The following CNTN4 variants were observed in gnomAD, a reference collection of about 807,000 sequenced individuals.
CNTN4 encodes the protein contactin 4.
A neutral mutation model predicts 122.5 loss-of-function variants in CNTN4; 77 were observed. The ratio of observed to expected loss-of-function variants is 0.63; its 90% CI spans 0.52 to 0.76. The LOEUF (loss-of-function observed/expected upper bound fraction) is 0.76. Ranked by LOEUF, CNTN4 falls within the 30% of genes least tolerant of loss-of-function variation. The probability of loss-of-function intolerance (pLI) is 0.00; values close to 1 mark genes in which losing one functional copy is unlikely to be tolerated. For missense variants in CNTN4, 1,256 were observed against 1,259.1 expected, an observed-to-expected ratio of 1.00 and a Z score of 0.04; for synonymous variants, 512 against 447.0, an observed-to-expected ratio of 1.15 and a Z score of -1.83.
At chr3:2,982,736 C>G (rs1314528946) in intron 13 of CNTN4, among the ~76,000 whole-genome samples, 1 of 152,150 alleles carries the variant, frequency 6.6e-6, no homozygotes, top group African/African-American at 2.4e-5. Flanking sequence ...ATCTTTATAC[C>G]TAGATAGTTT....
At chr3:3,046,570 G>T (rs1023320382) in intron 23 of CNTN4, among the ~76,000 whole-genome samples, 5 of 152,024 alleles carry the variant, frequency 3.3e-5, no homozygotes, top group African/African-American at 4.8e-5. Context: ...TTACAGACAA[G>T]CAAATGCTGA....
intron 5 of CNTN4, among the ~76,000 whole-genome samples, chr3:2,740,832 G>C (rs1307203186): frequency 6.6e-6 from 1 of 152,196 alleles, no homozygotes; most frequent in Non-Finnish European, 1.5e-5. Flanking sequence ...AAGGACGGCA[G>C]TATTAGTATA....
intron 2 of CNTN4, among the ~76,000 whole-genome samples, chr3:2,212,936 A>G (rs1228528714): frequency 1.3e-5 from 2 of 152,186 alleles, no homozygotes; most frequent in African/African-American, 4.8e-5. Context: ...GGAGATTTTT[A>G]TGAATCTTTG....
intron 6 of CNTN4, among the ~76,000 whole-genome samples, chr3:2,751,376 T>C (rs1190742168): frequency 6.6e-6 from 1 of 152,048 alleles, no homozygotes; most frequent in Non-Finnish European, 1.5e-5. Context: ...AAACAAGCCC[T>C]CAAAGTTCGC....
At chr3:2,447,916 A>G (rs529211655) in intron 3 of CNTN4, among the ~76,000 whole-genome samples, 151 of 152,288 alleles carry the variant, frequency 9.9e-4, no homozygotes, top group African/African-American at 1.9e-3. Context: ...TAGGTTTGGC[A>G]TTGGTAAGTG....
chr3:3,001,753 G>T (rs117011277), intron 14 of CNTN4, among the ~76,000 whole-genome samples: 2 of 152,214 alleles, frequency 1.3e-5, no homozygotes, highest in South Asian at 2.1e-4. Context: ...AAATTATTAA[G>T]TAGATGCAAA....
At chr3:2,871,874 G>T (rs1202858334) in intron 8 of CNTN4, among the ~76,000 whole-genome samples, 1 of 152,150 alleles carries the variant, frequency 6.6e-6, no homozygotes, top group African/African-American at 2.4e-5. Context: ...TGAGTTGGTA[G>T]ATATATGTGA....
chr3:2,124,433 AACACACAC>A (rs60760373), intron 2 of CNTN4, among the ~76,000 whole-genome samples: 61 of 123,888 alleles, frequency 4.9e-4, no homozygotes, highest in East Asian at 9.1e-4. Flanking sequence ...ATTTATTTAA[AACACACAC>A]ACACACACAC....
intron 10 of CNTN4, among the ~76,000 whole-genome samples, chr3:2,889,813 C>G (rs115716328): frequency 6.6e-6 from 1 of 152,094 alleles, no homozygotes; most frequent in Non-Finnish European, 1.5e-5. Flanking sequence ...AACCAGGGGT[C>G]GGCATACTGC....
intron 13 of CNTN4, among the ~76,000 whole-genome samples, chr3:2,943,632 T>A (rs6796366): frequency 1.2e-3 from 118 of 96,178 alleles, no homozygotes; most frequent in African/African-American, 3.4e-3. Flanking sequence ...ATATATATAT[T>A]TTTTTTTTTT....
Position 2,591,531 on chromosome 3 carries a change from AT to A in CNTN4, c.55+19979del, listed in dbSNP as rs547884283. 2.0e-3 allele frequency among the ~76,000 whole-genome samples: 174 copies of A among 84,922 alleles called. 10 individuals carry two copies. The highest frequency in any genetic ancestry group is 8.0e-3 in the African/African-American group (165 of 20,588). The allele number at this position is 84,922 out of a possible 152,430, so 55.7% of individuals were successfully genotyped here. A position where few individuals can be genotyped will look rare whatever the true frequency, so the allele number is the denominator to read the frequency against. On this transcript the variant is annotated intron_variant, in intron 4 of 24. Transcript: ENST00000418658. ...AGGCGCCCGCCACTACGCCCGGCTAATTTTTTGTATTTTTAGTAGAGACGGG... is the reference window on the plus strand; with the variant it reads ...AGGCGCCCGCCACTACGCCCGGCTAATTTTTGTATTTTTAGTAGAGACGGG...
chr3:2,370,327 T>C (rs1046077647), intron 3 of CNTN4, among the ~76,000 whole-genome samples: 1 of 152,172 alleles, frequency 6.6e-6, no homozygotes, highest in African/African-American at 2.4e-5. Context: ...TGATATTATG[T>C]TGAAGAGAAA....
intron 2 of CNTN4, among the ~76,000 whole-genome samples, chr3:2,213,812 CT>C (rs1406815569): frequency 2.6e-5 from 4 of 152,090 alleles, no homozygotes; most frequent in Non-Finnish European, 5.9e-5. Flanking sequence ...CAAAATGAAT[CT>C]GTTGTGGATG....
chr3:2,495,441 T>G (rs2076427768), intron 3 of CNTN4, among the ~76,000 whole-genome samples: 1 of 152,194 alleles, frequency 6.6e-6, no homozygotes, highest in Admixed American at 6.5e-5. Context: ...AATTCCTGAA[T>G]CCATTGGCTT....
chr3:2,624,796 T>A (rs765270053), intron 4 of CNTN4, among the ~76,000 whole-genome samples: 1 of 151,814 alleles, frequency 6.6e-6, no homozygotes, highest in Non-Finnish European at 1.5e-5. Flanking sequence ...CACTCCCAGC[T>A]AATTTTTGTA....
intron 2 of CNTN4, among the ~76,000 whole-genome samples, chr3:2,232,369 A>G (rs539352451): frequency 2.6e-4 from 40 of 152,280 alleles, no homozygotes; most frequent in African/African-American, 9.4e-4. Flanking sequence ...TTTCCACTAT[A>G]CTGTGTTGTA....
intron 3 of CNTN4, among the ~76,000 whole-genome samples, chr3:2,428,404 A>T (rs570253099): frequency 1.3e-5 from 2 of 151,844 alleles, no homozygotes; most frequent in Non-Finnish European, 2.9e-5. Context: ...TTGGCCCCCA[A>T]CTCTCTTCTG....
chr3:2,499,943 A>G (rs141305617), intron 3 of CNTN4, among the ~76,000 whole-genome samples: 2 of 152,188 alleles, frequency 1.3e-5, no homozygotes, highest in East Asian at 3.9e-4. Context: ...TGCAGATCCC[A>G]TGCAAGTTTT....
intron 2 of CNTN4, among the ~76,000 whole-genome samples, chr3:2,255,540 T>C (rs907586101): frequency 4.6e-5 from 7 of 152,090 alleles, no homozygotes; most frequent in Non-Finnish European, 7.4e-5. Context: ...TAATTGGAAG[T>C]AAAACTCTAC....
Sources: gnomAD v4.1 joint callset for allele counts (sites outside exome capture counted in the v4.1 genomes callset) on GRCh38, gnomAD v4.1.1 for gene constraint, MANE v1.5 for transcripts, NCBI Gene and HGNC (gene_info 2026-07-23, HGNC 2026-07-21) for gene names.